The following CXADR variants were observed in gnomAD, a reference collection of about 807,000 sequenced individuals.
The protein encoded by CXADR is CXADR cell adhesion molecule.
In CXADR, 20 loss-of-function variants were observed where a neutral mutation model predicts 40.3. The observed-to-expected ratio is 0.50, with a 90% CI of 0.35 to 0.72. The LOEUF is 0.72. Among genes scored for constraint, CXADR ranks in the 30% least tolerant of loss-of-function variants. CXADR has a pLI of 0.01. For missense variants in CXADR, 332 were observed against 449.1 expected (o/e 0.74, Z 2.36); for synonymous variants, 150 against 161.3 (o/e 0.93, Z 0.53).
At chr21:17,547,252 C>CA in intron 2 of CXADR, 59 bp downstream of exon 2, 1 of 1,601,118 alleles carries the variant, frequency 6.2e-7, no homozygotes, top group Non-Finnish European at 8.5e-7. Context: ...CTGATGTGTC[C>CA]ATCACCTTGC....
chr21:17,514,125 T>C (rs936790246), intron 1 of CXADR, among the ~76,000 whole-genome samples: 2 of 152,170 alleles, frequency 1.3e-5, no homozygotes, highest in Non-Finnish European at 2.9e-5. Flanking sequence ...ACTTGCTGCG[T>C]TTTATAACCA....
chr21:17,580,756 A>G (rs28663196), intron 7 of CXADR, among the ~76,000 whole-genome samples: 3,723 of 151,986 alleles, frequency 0.024, 138 homozygotes, highest in African/African-American at 0.084. Flanking sequence ...AGTTAATACA[A>G]TGTTTCTTTT....
downstream of CXADR, among the ~76,000 whole-genome samples, chr21:17,570,697 T>C (rs1358719773): frequency 2.6e-5 from 4 of 152,204 alleles, no homozygotes; most frequent in South Asian, 8.3e-4. Flanking sequence ...AGATTTGGGC[T>C]TCTGGCTAAT....
At chr21:17,602,132 G>A in the CXADR span, among the ~76,000 whole-genome samples, 12,716 of 151,640 alleles carry the variant, frequency 0.084, 642 homozygotes, top group African/African-American at 0.12. Context: ...ACTCTATTGG[G>A]GGAAAAAAAG....
At chr21:17,526,139 A>G (rs910208973) in intron 1 of CXADR, among the ~76,000 whole-genome samples, 4 of 152,180 alleles carry the variant, frequency 2.6e-5, no homozygotes, top group Admixed American at 6.5e-5. Context: ...CAGCTACTGT[A>G]TTGGTCAGCA....
chr21:17,612,632 C>G, the CXADR span: 1 of 152,206 alleles, frequency 6.6e-6, no homozygotes, highest in Middle Eastern at 3.2e-3. Flanking sequence ...GCAGGGGCGA[C>G]GGGACCACCC....
intron 1 of CXADR, among the ~76,000 whole-genome samples, chr21:17,533,294 G>A (rs2060701896): frequency 6.6e-6 from 1 of 152,106 alleles, no homozygotes; most frequent in African/African-American, 2.4e-5. Flanking sequence ...CCAAACCCCT[G>A]AACCATGTGC....
rs2061137422 is a variant in CXADR, at chr21:17,562,456, G to C, written c.833+980G>C. 5.3e-5 allele frequency among the ~76,000 whole-genome samples: 8 copies of C among 152,282 alleles called. No individual in the cohort carries two copies. In the South Asian group the frequency reaches 1.7e-3, roughly 32 times the overall value. Reference sequence around the variant, plus strand: ...CCCACCTCAGCTTTCCGAGTATCTGGGACTACAGGCATAAGCCACCACACC... The same window carrying C: ...CCCACCTCAGCTTTCCGAGTATCTGCGACTACAGGCATAAGCCACCACACC... On this transcript the variant is annotated intron_variant, in intron 6 of 6. Transcript: ENST00000284878.
At chr21:17,538,324 C>T (rs564134253) in intron 1 of CXADR, among the ~76,000 whole-genome samples, 8 of 152,080 alleles carry the variant, frequency 5.3e-5, no homozygotes, top group African/African-American at 9.6e-5. Flanking sequence ...ACACTGTGCT[C>T]GTGCTGAGTG....
intron 1 of CXADR, among the ~76,000 whole-genome samples, chr21:17,545,781 GTTT>G (rs72153877): frequency 1.7e-5 from 2 of 120,684 alleles, no homozygotes; most frequent in Admixed American, 8.1e-5. Context: ...GGTTTTTTTT[GTTT>G]TTTTTTTTTT....
intron 1 of CXADR, 105 bp downstream of exon 1, chr21:17,513,277 TTGGGGGCGC>T: frequency 9.0e-7 from 1 of 1,111,144 alleles, no homozygotes; most frequent in Non-Finnish European, 1.2e-6. Context: ...CGGGCGCGAT[TTGGGGGCGC>T]TGCTGCAGGG....
At chr21:17,577,728 G>A (rs2849904) in intron 7 of CXADR, among the ~76,000 whole-genome samples, 1,462 of 142,830 alleles carry the variant, frequency 0.01, 13 homozygotes, top group South Asian at 0.025. Flanking sequence ...TTAACTTGTG[G>A]TAAACACATT....
In CXADR at chr21:17,518,308, A is replaced by G. The variant is rs79018086; in HGVS notation, c.43+5136A>G. Among the ~76,000 whole-genome samples the G allele has an allele frequency of 5.8e-3, 886 of 152,314 alleles. 33 individuals are homozygous for G. The East Asian group carries it at 0.11, about 19-fold the overall frequency. On this transcript the variant is annotated intron_variant, in intron 1 of 6. Coordinates refer to ENST00000284878, the MANE Select transcript of CXADR (RefSeq NM_001338.5). ...GGAATCAAAACCCAGAACACCCTCA[A>G]ACTGCACCAATACTTCATATTTTGA...
the CXADR span, among the ~76,000 whole-genome samples, chr21:17,632,818 G>C: frequency 1.3e-5 from 2 of 152,134 alleles, no homozygotes; most frequent in Admixed American, 6.5e-5. Context: ...GCAGTGAGCT[G>C]AGATCGCCAC....
At chr21:17,585,683 A>T (rs912466605) in intron 7 of CXADR, among the ~76,000 whole-genome samples, 3 of 151,928 alleles carry the variant, frequency 2.0e-5, no homozygotes, top group Admixed American at 6.6e-5. Context: ...ACGCCCAGCT[A>T]ATTTTTTTGT....
the CXADR span, among the ~76,000 whole-genome samples, chr21:17,618,881 C>T: frequency 6.6e-6 from 1 of 152,166 alleles, no homozygotes; most frequent in Admixed American, 6.5e-5. Context: ...TAACTTATCC[C>T]TTGATCCATG....
At chr21:17,574,472 T>C (rs2123360970), downstream of CXADR, among the ~76,000 whole-genome samples, 1 of 152,310 alleles carries the variant, frequency 6.6e-6, no homozygotes, top group African/African-American at 2.4e-5. Flanking sequence ...TGTGGGAAAT[T>C]ATGATACTAA....
chr21:17,610,380 A>G, the CXADR span, among the ~76,000 whole-genome samples: 1 of 152,222 alleles, frequency 6.6e-6, no homozygotes, highest in Non-Finnish European at 1.5e-5. Flanking sequence ...TGACTTTCCG[A>G]AAGTACTCTT....
chr21:17,565,342 G>A (rs1375553541), intron 6 of CXADR, 86 bp from the exon 7 acceptor site: 2 of 1,400,986 alleles, frequency 1.4e-6, no homozygotes, highest in African/African-American at 1.4e-5. Context: ...CTAAATACAG[G>A]CTCTTATCCA....
Sources: allele counts gnomAD v4.1 joint callset (sites outside exome capture counted in the v4.1 genomes callset), GRCh38; gene constraint gnomAD v4.1.1; transcripts MANE v1.5; gene names NCBI Gene and HGNC (gene_info 2026-07-23, HGNC 2026-07-21).